The following PCDHA7 variants were observed in gnomAD, a reference collection of about 807,000 sequenced individuals.
PCDHA7 encodes the protein protocadherin alpha-7.
Under a neutral mutation model 57.2 loss-of-function variants are expected in PCDHA7, and 37 were observed. The observed-to-expected ratio is 0.65, with a 90% CI of 0.50 to 0.85. The LOEUF is 0.85. Among genes scored for constraint, PCDHA7 ranks in the 40% least tolerant of loss-of-function variants. The pLI is 0.00. For missense variants in PCDHA7, 1,188 were observed against 1,241.8 expected (o/e 0.96, Z 0.65); for synonymous variants, 553 against 558.8 (o/e 0.99, Z 0.15).
At chr5:140,935,520 G>A (rs1404556030) in intron 1 of PCDHA7, among the ~76,000 whole-genome samples, 1 of 152,154 alleles carries the variant, frequency 6.6e-6, no homozygotes, top group Non-Finnish European at 1.5e-5. Context: ...CAGTAGGCAT[G>A]TACAGTCAAA....
At chr5:140,838,126 GTGTGTT>G (rs1562369435) in intron 1 of PCDHA7, among the ~76,000 whole-genome samples, 1 of 138,748 alleles carries the variant, frequency 7.2e-6, no homozygotes, top group Admixed American at 7.2e-5. Context: ...GTGTGTGTGT[GTGTGTT>G]TGACAGAGTT....
chr5:140,877,326 G>C (rs781931363), intron 1 of PCDHA7: 3 of 1,613,964 alleles, frequency 1.9e-6, no homozygotes. Flanking sequence ...CGGTCGGCGC[G>C]CACATCCCGT....
chr5:140,835,436 T>A lies in PCDHA7; in HGVS notation c.1053T>A (p.Thr351=). ...VDVNDNAPQL[T]LTSLSLPIPE... The stretch of plus-strand genomic sequence containing the variant: ...TAAATGACAATGCTCCACAGTTGAC[T>A]CTCACTTCCCTGTCTCTCCCTATTC... The change falls in exon 1 of 4, where the codon ACT becomes ACA. Residue 351 remains threonine (T), a synonymous_variant. Transcript: ENST00000525929. 1 of 1,613,890 alleles carries A rather than the reference T, an allele frequency of 6.2e-7. No homozygotes were observed. Among genetic ancestry groups the A allele is most frequent in the Non-Finnish European group, 8.5e-7 (1 of 1,179,868 alleles).
chr5:140,882,775 C>G, intron 1 of PCDHA7: 10 of 1,614,220 alleles, frequency 6.2e-6, no homozygotes, highest in Non-Finnish European at 8.5e-6. Flanking sequence ...CGGCATTGAC[C>G]TACCGACTGG....
chr5:140,846,662 C>T (rs1432643627), intron 1 of PCDHA7, among the ~76,000 whole-genome samples: 1 of 149,210 alleles, frequency 6.7e-6, no homozygotes, highest in Non-Finnish European at 1.5e-5. Flanking sequence ...GCATGAGCCA[C>T]CGCGCCCAGC....
At chr5:140,843,004 C>A (rs782142006) in intron 1 of PCDHA7, 1 of 1,595,032 alleles carries the variant, frequency 6.3e-7, no homozygotes, top group African/African-American at 1.3e-5. Flanking sequence ...AGAATGACAA[C>A]GCGCCGGCAC....
chr5:140,870,090 G>A, intron 1 of PCDHA7: 3 of 1,613,854 alleles, frequency 1.9e-6, no homozygotes, highest in South Asian at 2.2e-5. Flanking sequence ...CTCCCCCAAT[G>A]GCAGGTCACT....
rs2150323482 is a variant in PCDHA7 at position 140,841,819 on chromosome 5, C to A, written c.2355+5081C>A. Reference sequence around the variant, plus strand: ...CCGATGCAGATGTTGGAGCTAACTCCGTGTTAACCTACAGGCTTAGCTCTC... The same window carrying A: ...CCGATGCAGATGTTGGAGCTAACTCAGTGTTAACCTACAGGCTTAGCTCTC... On this transcript the variant is annotated intron_variant, in intron 1 of 3. Transcript: ENST00000525929. The A allele has an allele frequency of 3.1e-6, 5 of 1,613,874 alleles. No individual in the cohort carries two copies. The South Asian group carries it at 5.5e-5, about 18-fold the overall frequency.
chr5:140,852,930 G>C (rs1581296305), intron 1 of PCDHA7: 3 of 621,568 alleles, frequency 4.8e-6, no homozygotes, highest in Admixed American at 1.3e-4. Context: ...CCAGGCTGGA[G>C]TGCAGTGGTG....
Position 140,835,159 on chromosome 5 carries a change from C to A in PCDHA7, c.776C>A (p.Thr259Lys). The A allele has an allele frequency of 6.9e-7, 1 of 1,456,016 alleles. No individual in the cohort carries two copies. The highest frequency in any genetic ancestry group is 9.3e-7 in the Non-Finnish European group (1 of 1,076,248). 90.2% of individuals were successfully genotyped at this position (1,456,016 alleles called of 1,614,324 possible). Residue 259 changes from threonine to lysine, a missense_variant, in exon 1 of 4, where the codon ACG becomes AAG. Thr to Lys is a moderately conservative substitution (Grantham distance 78). Coordinates refer to ENST00000525929, the MANE Select transcript of PCDHA7 (RefSeq NM_018910.3). ...TTACCAGAAAACGTTTCTATCGGAA[C>A]GCTGGTGATTCACCCCAATGCCTCA... ...VKLPENVSIG[T>K]LVIHPNASDL...
At chr5:140,982,711 A>T (rs370595783) in intron 3 of PCDHA7, 148 bp downstream of exon 3, 2 of 1,370,268 alleles carry the variant, frequency 1.5e-6, no homozygotes, top group African/African-American at 2.9e-5. Context: ...TTCCTTACAT[A>T]TATGATTATT....
intron 1 of PCDHA7, among the ~76,000 whole-genome samples, chr5:140,950,237 A>G (rs1192417956): frequency 6.6e-6 from 1 of 151,954 alleles, no homozygotes; most frequent in African/African-American, 2.4e-5. Flanking sequence ...AGTGCCATTA[A>G]TTTGTTCCTA....
At chr5:140,843,133 C>G in intron 1 of PCDHA7, 1 of 1,595,974 alleles carries the variant, frequency 6.3e-7, no homozygotes, top group Non-Finnish European at 8.6e-7. Flanking sequence ...CGGGCTACAA[C>G]GCGTGGCTTT....
chr5:140,845,503 C>A lies in PCDHA7; in HGVS notation c.2355+8765C>A, dbSNP rs1485886785. On this transcript the variant is annotated intron_variant, in intron 1 of 3. Transcript: ENST00000525929. ...TGCTTTCACAGTGAGAAAGTCTAAA[C>A]CTATTTCTTGTACATTAATACTTTT... Among the ~76,000 whole-genome samples the A allele has an allele frequency of 3.3e-5, 5 of 149,694 alleles. No homozygotes were observed. In the South Asian group the frequency reaches 8.5e-4, roughly 25 times the overall value.
At chr5:140,954,498 G>T (rs2095045375) in intron 1 of PCDHA7, among the ~76,000 whole-genome samples, 1 of 152,156 alleles carries the variant, frequency 6.6e-6, no homozygotes, top group Non-Finnish European at 1.5e-5. Context: ...TTGTGGTTTT[G>T]ATTTGCATTT....
Position 140,841,790 on chromosome 5 carries a change from G to A in PCDHA7, c.2355+5052G>A, listed in dbSNP as rs2150322746. The A allele has an allele frequency of 5.6e-6, 9 of 1,613,884 alleles. No individual in the cohort carries two copies. The South Asian group carries it at 7.7e-5, about 14-fold the overall frequency. The stretch of plus-strand genomic sequence containing the variant: ...AGACTCTCGGTTTCCGCTAGAGGGC[G>A]CGTCCGATGCAGATGTTGGAGCTAA... On this transcript the variant is annotated intron_variant, in intron 1 of 3. Coordinates refer to ENST00000525929, the MANE Select transcript of PCDHA7 (RefSeq NM_018910.3).
intron 3 of PCDHA7, among the ~76,000 whole-genome samples, chr5:140,991,200 A>C (rs2097437692): frequency 6.6e-6 from 1 of 152,234 alleles, no homozygotes; most frequent in Admixed American, 6.5e-5. Context: ...AATGATGCTC[A>C]ATAAATTTTG....
intron 1 of PCDHA7, among the ~76,000 whole-genome samples, chr5:140,977,260 T>C (rs2096752693): frequency 6.6e-6 from 1 of 152,226 alleles, no homozygotes. Flanking sequence ...TCTCAGCAGA[T>C]GTTACAGTCT....
At chr5:140,846,652 G>T (rs910062577) in intron 1 of PCDHA7, among the ~76,000 whole-genome samples, 4 of 149,138 alleles carry the variant, frequency 2.7e-5, no homozygotes, top group African/African-American at 9.8e-5. Context: ...GGGATTACAG[G>T]CATGAGCCAC....
Sources: allele counts gnomAD v4.1 joint callset (sites outside exome capture counted in the v4.1 genomes callset), GRCh38; gene constraint gnomAD v4.1.1; transcripts MANE v1.5; gene names NCBI Gene and HGNC (gene_info 2026-07-23, HGNC 2026-07-21).